The following OSTF1 variants were observed in gnomAD, a reference collection of about 807,000 sequenced individuals.
The protein encoded by OSTF1 is osteoclast-stimulating factor 1.
In OSTF1, 27 loss-of-function variants were observed where a neutral mutation model predicts 37.2. The observed-to-expected ratio is 0.73, with a 90% CI of 0.54 to 1.00. The LOEUF (loss-of-function observed/expected upper bound fraction) is 1.00. OSTF1 is among the 50% of genes least tolerant of loss of function. The probability of loss-of-function intolerance (pLI) is 0.00; values close to 1 mark genes in which losing one functional copy is unlikely to be tolerated. For missense variants in OSTF1, 232 were observed against 253.8 expected (o/e 0.91, Z 0.58); for synonymous variants, 82 against 89.2 (o/e 0.92, Z 0.46).
intron 1 of OSTF1, among the ~76,000 whole-genome samples, chr9:75,099,430 T>G (rs1825150644): frequency 6.6e-6 from 1 of 152,066 alleles, no homozygotes; most frequent in African/African-American, 2.4e-5. Flanking sequence ...TAAACATTTT[T>G]TTTGTACAGA....
intron 1 of OSTF1, among the ~76,000 whole-genome samples, chr9:75,091,742 G>A (rs933623628): frequency 2.0e-5 from 3 of 152,204 alleles, no homozygotes; most frequent in East Asian, 1.9e-4. Context: ...GTCATCTAGA[G>A]GAAGGGAAGA....
At chr9:75,113,444 T>C (rs1034848154) in intron 1 of OSTF1, among the ~76,000 whole-genome samples, 1 of 152,078 alleles carries the variant, frequency 6.6e-6, no homozygotes, top group Non-Finnish European at 1.5e-5. Flanking sequence ...ATTCTTTTTT[T>C]TTTTTCTGTC....
At chr9:75,115,490 A>G (rs1247404193) in intron 1 of OSTF1, among the ~76,000 whole-genome samples, 2 of 152,108 alleles carry the variant, frequency 1.3e-5, no homozygotes, top group Non-Finnish European at 2.9e-5. Flanking sequence ...GGGTTTCACC[A>G]TGTTGGCCAG....
intron 3 of OSTF1, 58 bp from the exon 4 acceptor site, chr9:75,130,520 A>C: frequency 8.6e-7 from 1 of 1,158,948 alleles, no homozygotes; most frequent in South Asian, 1.2e-5. Flanking sequence ...GATAATTTGA[A>C]AAGTGAATGA....
intron 1 of OSTF1, among the ~76,000 whole-genome samples, chr9:75,100,101 A>G (rs1291483968): frequency 6.6e-6 from 1 of 152,264 alleles, no homozygotes; most frequent in African/African-American, 2.4e-5. Context: ...GACAGTGGGT[A>G]TAGAAGGATA....
At chr9:75,145,631 A>G (rs60427565) in intron 9 of OSTF1, among the ~76,000 whole-genome samples, 6,307 of 152,312 alleles carry the variant, frequency 0.041, 139 homozygotes, top group Middle Eastern at 0.068. Flanking sequence ...AGGGCAGGAT[A>G]AATGCTTGAT....
At chr9:75,141,079 A>G in intron 9 of OSTF1, 147 bp downstream of exon 9, 7 of 544,892 alleles carry the variant, frequency 1.3e-5, no homozygotes, top group Non-Finnish European at 2.3e-5. Context: ...CAGGAGGTTC[A>G]CTTGAGCCCA....
At chr9:75,146,579 G>C in intron 9 of OSTF1, 104 bp from the exon 10 acceptor site, 1 of 777,092 alleles carries the variant, frequency 1.3e-6, no homozygotes, top group Non-Finnish European at 2.2e-6. Flanking sequence ...CCCTGGGTCA[G>C]ATGGAAGATT....
intron 1 of OSTF1, among the ~76,000 whole-genome samples, chr9:75,103,882 G>A (rs1214009767): frequency 1.3e-5 from 2 of 152,122 alleles, no homozygotes; most frequent in East Asian, 1.9e-4. Context: ...CAATCCTCCC[G>A]CCTCAGCCTC....
At chr9:75,139,806 T>TA (rs1170847291) in intron 8 of OSTF1, among the ~76,000 whole-genome samples, 1 of 152,190 alleles carries the variant, frequency 6.6e-6, no homozygotes, top group African/African-American at 2.4e-5. Context: ...CAGAGGATCA[T>TA]TAGAGACTAG....
At chr9:75,117,573 C>T (rs779453127) in intron 2 of OSTF1, 23 bp downstream of exon 2, 3 of 1,538,320 alleles carry the variant, frequency 2.0e-6, no homozygotes, top group African/African-American at 2.7e-5. Flanking sequence ...TTTTTAACTT[C>T]TAAAATTGAC....
At chr9:75,141,142 G>A (rs1404144759) in intron 9 of OSTF1, among the ~76,000 whole-genome samples, 1 of 151,600 alleles carries the variant, frequency 6.6e-6, no homozygotes, top group African/African-American at 2.4e-5. Context: ...TCTACAAAAA[G>A]TACCAAAAAT....
At chr9:75,112,121 CT>C (rs35036131) in intron 1 of OSTF1, among the ~76,000 whole-genome samples, 102,921 of 143,082 alleles carry the variant, frequency 0.72, 36,994 homozygotes, top group African/African-American at 0.83. Context: ...CAGCCTACTG[CT>C]TTTTTTTTTT....
intron 1 of OSTF1, among the ~76,000 whole-genome samples, chr9:75,101,291 T>C (rs1008560909): frequency 1.3e-5 from 2 of 152,190 alleles, no homozygotes; most frequent in African/African-American, 4.8e-5. Flanking sequence ...CAAGCCACTT[T>C]TATGATAGGA....
chr9:75,140,780 C>A, intron 8 of OSTF1, 54 bp from the exon 9 acceptor site: 2 of 1,241,172 alleles, frequency 1.6e-6, no homozygotes, highest in Non-Finnish European at 2.3e-6. Flanking sequence ...AGAGGATTGG[C>A]TACTACTATA....
At chr9:75,098,285 A>T (rs930237687) in intron 1 of OSTF1, among the ~76,000 whole-genome samples, 1 of 152,194 alleles carries the variant, frequency 6.6e-6, no homozygotes, top group African/African-American at 2.4e-5. Context: ...CACCAAGCAA[A>T]GGCTTTTCAT....
intron 2 of OSTF1, among the ~76,000 whole-genome samples, chr9:75,121,730 C>T (rs1364047821): frequency 1.3e-5 from 2 of 152,192 alleles, no homozygotes; most frequent in African/African-American, 2.4e-5. Flanking sequence ...CTCTCTCTCT[C>T]CCCTCTGACC....
At position 75,144,063 on chromosome 9, in the gene OSTF1, G is replaced by C. The variant is rs150336213; in HGVS notation, c.587-2620G>C. On this transcript the variant is annotated intron_variant, in intron 9 of 9. Coordinates refer to ENST00000346234, the MANE Select transcript of OSTF1 (RefSeq NM_012383.5). ...TAGGATAGTGGAGTAGAAGGGGACAGAGTTTTCCTATTTGTCTCTCAGGCT... is the reference window on the plus strand; with the variant it reads ...TAGGATAGTGGAGTAGAAGGGGACACAGTTTTCCTATTTGTCTCTCAGGCT... 2.7e-3 allele frequency among the ~76,000 whole-genome samples: 417 copies of C among 152,366 alleles called. 1 individual carries two copies. The highest frequency in any genetic ancestry group is 9.8e-3 in the African/African-American group (409 of 41,588).
chr9:75,099,264 CTTT>C (rs113012001), intron 1 of OSTF1, among the ~76,000 whole-genome samples: 1 of 141,718 alleles, frequency 7.1e-6, no homozygotes, highest in Admixed American at 7.1e-5. Flanking sequence ...TGATAAATGG[CTTT>C]TTTTTTTTTT....
Sources: gnomAD v4.1 joint callset for allele counts (sites outside exome capture counted in the v4.1 genomes callset) on GRCh38, gnomAD v4.1.1 for gene constraint, MANE v1.5 for transcripts, NCBI Gene and HGNC (gene_info 2026-07-23, HGNC 2026-07-21) for gene names.